Variants in SEC14L3 observed in about 807,000 individuals in gnomAD.
SEC14L3 encodes the protein SEC14-like protein 3.
Under a neutral mutation model 57.4 loss-of-function variants are expected in SEC14L3, and 56 were observed. The observed-to-expected ratio is 0.97, with a 90% confidence interval of 0.79 to 1.22. SEC14L3 has a LOEUF of 1.22. Among genes scored for constraint, SEC14L3 ranks in the 50% most tolerant of loss-of-function variants. SEC14L3 has a pLI of 0.00. For missense variants in SEC14L3, 485 were observed against 511.7 expected (o/e 0.95, Z 0.50); for synonymous variants, 173 against 194.4 (o/e 0.89, Z 0.92).
intron 5 of SEC14L3, among the ~76,000 whole-genome samples, chr22:30,468,088 G>A (rs1004285311): frequency 6.6e-6 from 1 of 152,018 alleles, no homozygotes; most frequent in Non-Finnish European, 1.5e-5. Flanking sequence ...AGACCATCCC[G>A]GCCAACATGG....
chr22:30,456,100 G>A (rs1472321298), downstream of SEC14L3, among the ~76,000 whole-genome samples: 5 of 152,002 alleles, frequency 3.3e-5, no homozygotes, highest in African/African-American at 9.7e-5. Flanking sequence ...CTGAAGCCAC[G>A]AGTTCAAGAC....
At position 30,466,940 on chromosome 22, in the gene SEC14L3, T is replaced by A. The variant is rs762830475; in HGVS notation, c.519+42A>T. The A allele has an allele frequency of 4.4e-6, 7 of 1,575,852 alleles. No homozygotes were observed. In the South Asian group the frequency reaches 4.6e-5, roughly 10 times the overall value. On this transcript the variant is annotated intron_variant, in intron 6 of 11. Transcript: ENST00000215812. ...GCTGGGTCATGGCAGGCCAAGCTGG[T>A]CATCAAAGCAAGCGGGGGGTGGCCC...
chr22:30,451,656 C>T (rs992543302), intron 12 of SEC14L3, among the ~76,000 whole-genome samples: 2 of 151,970 alleles, frequency 1.3e-5, no homozygotes, highest in African/African-American at 4.8e-5. Flanking sequence ...AACAGCTTGC[C>T]GAAACACGGA....
chr22:30,459,494 T>G lies in SEC14L3; in HGVS notation c.*527A>C, dbSNP rs541693709. The G allele has an allele frequency of 1.0e-6, 1 of 985,814 alleles. No individual in the cohort carries two copies. Among genetic ancestry groups the G allele is most frequent in the East Asian group, 1.1e-4 (1 of 8,824 alleles). 61.1% of individuals were successfully genotyped at this position (985,814 alleles called of 1,614,324 possible). A position where few individuals can be genotyped will look rare whatever the true frequency, so the allele number is the denominator to read the frequency against. On this transcript the variant is annotated 3_prime_UTR_variant, in exon 12 of 12. Transcript: ENST00000215812. The stretch of plus-strand genomic sequence containing the variant: ...AGAGAGTCCAACCCCACCACACATC[T>G]GCTCCTGTCCAAGGTGCTGAAATCC...
Position 30,461,466 on chromosome 22 carries a change from A to G in SEC14L3, c.925T>C (p.Ser309Pro). The change falls in exon 11 of 12, where the codon TCT becomes CCT. Residue 309 changes from serine to proline, a missense_variant. By Grantham distance (74) the Ser-to-Pro change is moderately conservative. Coordinates refer to ENST00000215812, the MANE Select transcript of SEC14L3 (RefSeq NM_174975.5). ...CCGAAGCCGATGTCCGCACCATCAG[A>G]TGAGAACTGCCACCTGTCAGGGGGA... The part of the protein sequence containing the change: ...PGCVLRWQFS[S>P]DGADIGFGVF... 1 of 1,613,666 alleles carries G rather than the reference A, an allele frequency of 6.2e-7. No homozygotes were observed. Among genetic ancestry groups the G allele is most frequent in the Non-Finnish European group, 8.5e-7 (1 of 1,179,728 alleles).
At chr22:30,467,714 T>G (rs113371159) in intron 5 of SEC14L3, among the ~76,000 whole-genome samples, 6 of 152,094 alleles carry the variant, frequency 3.9e-5, no homozygotes, top group African/African-American at 1.2e-4. Context: ...GGGAGGTAGG[T>G]GTGTGTGGTG....
downstream of SEC14L3, among the ~76,000 whole-genome samples, chr22:30,454,734 A>C (rs1345306208): frequency 1.2e-4 from 9 of 73,388 alleles, no homozygotes; most frequent in Non-Finnish European, 2.1e-4. Context: ...AATCTATAAT[A>C]TATAATAATA....
rs1157818397 is a variant in SEC14L3, at chr22:30,462,128, G to T, written c.729C>A (p.Gly243=). ...GGTTCCCATCTGGGTCAGTCAGGGTGCCCCCAAACTGGGCAGGCAGTTCCT... is the reference window on the plus strand; with the variant it reads ...GGTTCCCATCTGGGTCAGTCAGGGTTCCCCCAAACTGGGCAGGCAGTTCCT... The part of the protein sequence containing the change: ...SPEELPAQFG[G]TLTDPDGNPK... The change falls in exon 9 of 12, where the codon GGC becomes GGA. Residue 243 remains glycine, a synonymous_variant. Coordinates refer to ENST00000215812, the MANE Select transcript of SEC14L3 (RefSeq NM_174975.5). The T allele has an allele frequency of 1.2e-6, 2 of 1,614,134 alleles. No homozygotes were observed. Among genetic ancestry groups the T allele is most frequent in the South Asian group, 2.2e-5 (2 of 91,078 alleles).
At chr22:30,451,991 C>CAAAAAAAAA (rs34799395) in intron 12 of SEC14L3, among the ~76,000 whole-genome samples, 4 of 33,624 alleles carry the variant, frequency 1.2e-4, no homozygotes, top group African/African-American at 3.0e-4. Flanking sequence ...GACTCCATCT[C>CAAAAAAAAA]AAAAAAAAAA....
In SEC14L3 at chr22:30,471,893, A is replaced by G. The variant is rs1935624640; in HGVS notation, c.54+12T>C. The G allele has an allele frequency of 1.2e-6, 2 of 1,611,972 alleles. No individual in the cohort carries two copies. Among genetic ancestry groups the G allele is most frequent in the Admixed American group, 1.7e-5 (1 of 59,818 alleles). ...CCTGGTCTTCCGGAACTCCAGGGGG[A>G]GGGGCTCTCACCTTGGCCAGGGTCT... On this transcript the variant is annotated intron_variant, in intron 1 of 11. Coordinates refer to ENST00000215812, the MANE Select transcript of SEC14L3 (RefSeq NM_174975.5).
chr22:30,469,927 C>A (rs193025152), intron 4 of SEC14L3, 92 bp downstream of exon 4: 7 of 949,124 alleles, frequency 7.4e-6, no homozygotes, highest in African/African-American at 4.9e-5. Context: ...GTTCCACAGG[C>A]CTCTCAGGCT....
chr22:30,455,262 T>TATATA (rs1474043953), downstream of SEC14L3, among the ~76,000 whole-genome samples: 5 of 133,028 alleles, frequency 3.8e-5, no homozygotes, highest in Admixed American at 9.3e-5. Context: ...TAATATATTA[T>TATATA]ATATATTTGA....
At chr22:30,458,317 A>G (rs1935154773), downstream of SEC14L3, among the ~76,000 whole-genome samples, 2 of 152,156 alleles carry the variant, frequency 1.3e-5, no homozygotes, top group African/African-American at 4.8e-5. Flanking sequence ...ATGCCATGTG[A>G]GCAGCGGACA....
intron 4 of SEC14L3, 82 bp from the exon 5 acceptor site, chr22:30,468,778 C>T (rs1179326437): frequency 5.0e-6 from 8 of 1,611,432 alleles, no homozygotes; most frequent in Non-Finnish European, 6.8e-6. Context: ...GTGGCCCAAG[C>T]CTACACACAC....
At chr22:30,468,069 AG>A (rs1395896827) in intron 5 of SEC14L3, among the ~76,000 whole-genome samples, 2 of 152,098 alleles carry the variant, frequency 1.3e-5, no homozygotes, top group African/African-American at 4.8e-5. Flanking sequence ...TCACAAGGTC[AG>A]GAGATCGAGA....
Position 30,459,807 on chromosome 22 carries a change from C to T in SEC14L3, c.*214G>A. ...TTCTTGCCTTTACCCTTGCTTTTTC[C>T]TCTTCTGCAACCTTGGTACCCTCCA... On this transcript the variant is annotated 3_prime_UTR_variant, in exon 12 of 12. Transcript: ENST00000215812. The T allele has an allele frequency of 8.1e-7, 1 of 1,229,552 alleles. No individual in the cohort carries two copies. Among genetic ancestry groups the T allele is most frequent in the Admixed American group, 3.6e-5 (1 of 27,916 alleles). 76.2% of individuals were successfully genotyped at this position (1,229,552 alleles called of 1,614,324 possible).
downstream of SEC14L3, among the ~76,000 whole-genome samples, chr22:30,456,062 C>A (rs1935113522): frequency 6.6e-6 from 1 of 152,124 alleles, no homozygotes; most frequent in South Asian, 2.1e-4. Flanking sequence ...AATCCCAGCA[C>A]TTCGGGAGGC....
downstream of SEC14L3, chr22:30,459,194 GCA>G: frequency 1.2e-6 from 1 of 864,138 alleles, no homozygotes; most frequent in African/African-American, 1.8e-5. Context: ...AAAGCTCTTG[GCA>G]CAGTTTCTGG....
chr22:30,471,856 C>A (rs773188395), intron 1 of SEC14L3, 49 bp downstream of exon 1: 2 of 1,612,756 alleles, frequency 1.2e-6, no homozygotes, highest in South Asian at 1.1e-5. Flanking sequence ...TTCCACCCCC[C>A]AGCCCCTTTC....
Sources: gnomAD v4.1 joint callset for allele counts (sites outside exome capture counted in the v4.1 genomes callset) on GRCh38, gnomAD v4.1.1 for gene constraint, MANE v1.5 for transcripts, NCBI Gene and HGNC (gene_info 2026-07-23, HGNC 2026-07-21) for gene names.